Variants in CDH13 observed in about 807,000 individuals in gnomAD.
The protein encoded by CDH13 is cadherin 13, also known as cadherin-13.
A neutral mutation model predicts 63.8 loss-of-function variants in CDH13; 24 were observed. That is an observed-to-expected ratio of 0.38 (90% CI 0.27 to 0.53). The LOEUF (loss-of-function observed/expected upper bound fraction) is 0.53, where lower values mean the gene tolerates loss of function less well. Ranked by LOEUF, CDH13 falls within the 20% of genes least tolerant of loss-of-function variation. The pLI is 0.85. For missense variants in CDH13, 1,049 were observed against 903.1 expected, an observed-to-expected ratio of 1.16 and a Z score of -2.07; for synonymous variants, 503 against 355.3, an observed-to-expected ratio of 1.42 and a Z score of -4.67.
At chr16:83,379,111 C>T (rs1411674247) in intron 6 of CDH13, among the ~76,000 whole-genome samples, 2 of 152,112 alleles carry the variant, frequency 1.3e-5, no homozygotes, top group African/African-American at 4.8e-5. Context: ...GGGAAGAATA[C>T]AATGTCTTTT....
chr16:82,776,717 A>G (rs1323541003), intron 1 of CDH13, among the ~76,000 whole-genome samples: 1 of 152,210 alleles, frequency 6.6e-6, no homozygotes, highest in Admixed American at 6.5e-5. Context: ...AACACTTAGT[A>G]CTTAATGGGG....
At chr16:83,123,504 C>T (rs778517406) in intron 3 of CDH13, among the ~76,000 whole-genome samples, 1 of 152,108 alleles carries the variant, frequency 6.6e-6, no homozygotes, top group Admixed American at 6.5e-5. Flanking sequence ...GTCTCAAACT[C>T]CCAACCTCAG....
At chr16:82,773,847 G>C (rs1048953909) in intron 1 of CDH13, among the ~76,000 whole-genome samples, 2 of 150,270 alleles carry the variant, frequency 1.3e-5, no homozygotes, top group Admixed American at 6.6e-5. Flanking sequence ...GCAATTGCGC[G>C]ATCTCAGCTC....
chr16:83,440,631 A>T (rs1209232131), intron 6 of CDH13, among the ~76,000 whole-genome samples: 1 of 152,062 alleles, frequency 6.6e-6, no homozygotes, highest in Non-Finnish European at 1.5e-5. Flanking sequence ...CTAAAAATAC[A>T]AAAATTAACT....
intron 6 of CDH13, among the ~76,000 whole-genome samples, chr16:83,468,984 G>A (rs763190217): frequency 6.6e-6 from 1 of 152,196 alleles, no homozygotes; most frequent in Non-Finnish European, 1.5e-5. Flanking sequence ...GCTAAAGCGA[G>A]TTGTATAGGC....
At chr16:83,335,916 G>T (rs150054638) in intron 5 of CDH13, among the ~76,000 whole-genome samples, 12 of 152,142 alleles carry the variant, frequency 7.9e-5, no homozygotes, top group Admixed American at 5.9e-4. Context: ...CGATGCCCCC[G>T]GCTGAATAAA....
chr16:82,801,618 C>T (rs760765218), intron 1 of CDH13, among the ~76,000 whole-genome samples: 2 of 152,158 alleles, frequency 1.3e-5, no homozygotes, highest in Admixed American at 6.6e-5. Context: ...GCACAAAATT[C>T]TGAAATTAGT....
intron 13 of CDH13, among the ~76,000 whole-genome samples, chr16:83,787,827 C>T (rs545645878): frequency 2.0e-5 from 3 of 152,302 alleles, no homozygotes; most frequent in East Asian, 3.9e-4. Flanking sequence ...CCTATAATCC[C>T]AGCTACTCGG....
chr16:82,903,550 G>C (rs776306683), intron 2 of CDH13, among the ~76,000 whole-genome samples: 17 of 152,172 alleles, frequency 1.1e-4, no homozygotes, highest in Middle Eastern at 3.2e-3. Context: ...CTGACGCTTA[G>C]GACTTGAACC....
intron 1 of CDH13, among the ~76,000 whole-genome samples, chr16:82,850,144 G>A (rs528102955): frequency 1.3e-5 from 2 of 152,210 alleles, no homozygotes; most frequent in African/African-American, 2.4e-5. Flanking sequence ...TGATTCCTCT[G>A]ATGGATCAGG....
chr16:83,210,487 G>A (rs1335420053), intron 4 of CDH13, among the ~76,000 whole-genome samples: 3 of 152,054 alleles, frequency 2.0e-5, no homozygotes, highest in East Asian at 3.9e-4. Flanking sequence ...ATGGAGGCCA[G>A]GGAAGAGACT....
chr16:83,382,794 G>T (rs574408464), intron 6 of CDH13, among the ~76,000 whole-genome samples: 2 of 152,256 alleles, frequency 1.3e-5, no homozygotes, highest in South Asian at 4.1e-4. Context: ...ATTCCATCCA[G>T]TTACACCAAT....
intron 4 of CDH13, among the ~76,000 whole-genome samples, chr16:83,165,720 A>C (rs1243616287): frequency 6.6e-6 from 1 of 152,162 alleles, no homozygotes; most frequent in Admixed American, 6.5e-5. Context: ...AAGATGGCTT[A>C]AAAATACACA....
Position 82,760,535 on chromosome 16 carries a change from G to A in CDH13, c.46-97827G>A, listed in dbSNP as rs1256220198. Among the ~76,000 whole-genome samples the A allele has an allele frequency of 5.9e-5, 9 of 152,178 alleles. No individual in the cohort carries two copies. The East Asian group carries it at 1.5e-3, about 26-fold the overall frequency. On this transcript the variant is annotated intron_variant, in intron 1 of 13. Transcript: ENST00000567109. ...TAGTTTGGACCCTGTTTACAAAAAT[G>A]TACCAGTTATATGGTATTTATTGAG...
At chr16:82,641,389 G>A (rs935594077) in intron 1 of CDH13, among the ~76,000 whole-genome samples, 6 of 152,250 alleles carry the variant, frequency 3.9e-5, no homozygotes, top group South Asian at 4.1e-4. Flanking sequence ...GATTTCTCTT[G>A]CCACCATTAC....
At chr16:83,602,116 AAAAAAAAAAAAAAAAAAAAAAAAAAAAC>A (rs1907884090) in intron 7 of CDH13, among the ~76,000 whole-genome samples, 4 of 92,048 alleles carry the variant, frequency 4.3e-5, no homozygotes, top group African/African-American at 2.9e-4. Flanking sequence ...ACAAAAAAAA[AAAAAAAAAAAAAAAAAAAAAAAAAAAAC>A]CCAAAGGACA....
At chr16:82,885,553 A>G (rs1306192616) in intron 2 of CDH13, among the ~76,000 whole-genome samples, 1 of 151,680 alleles carries the variant, frequency 6.6e-6, no homozygotes, top group Admixed American at 6.6e-5. Flanking sequence ...CCAGCCATCC[A>G]TCCATTCACT....
At chr16:82,932,595 C>T (rs2042535375) in intron 2 of CDH13, among the ~76,000 whole-genome samples, 1 of 152,128 alleles carries the variant, frequency 6.6e-6, no homozygotes, top group Non-Finnish European at 1.5e-5. Flanking sequence ...GACTCAAGAT[C>T]AGGTACATAA....
chr16:83,129,574 C>G (rs1437646393), intron 4 of CDH13, among the ~76,000 whole-genome samples: 1 of 152,174 alleles, frequency 6.6e-6, no homozygotes, highest in Non-Finnish European at 1.5e-5. Context: ...CAGCGTTACA[C>G]CACCCCCAGG....
Sources: gnomAD v4.1 joint callset for allele counts (sites outside exome capture counted in the v4.1 genomes callset) on GRCh38, gnomAD v4.1.1 for gene constraint, MANE v1.5 for transcripts, NCBI Gene and HGNC (gene_info 2026-07-23, HGNC 2026-07-21) for gene names.